RSBN1L: variants seen among roughly 807,000 people sequenced by gnomAD.
The protein encoded by RSBN1L is lysine-specific demethylase RSBN1L.
A neutral mutation model predicts 67.7 loss-of-function variants in RSBN1L; 30 were observed. The observed-to-expected ratio is 0.44, with a 90% CI of 0.33 to 0.60. The LOEUF (loss-of-function observed/expected upper bound fraction) is 0.60. Among genes scored for constraint, RSBN1L ranks in the 20% least tolerant of loss-of-function variants. The pLI is 0.02. For missense variants in RSBN1L, 992 were observed against 1,031.7 expected (o/e 0.96, Z 0.53); for synonymous variants, 433 against 387.0 (o/e 1.12, Z -1.39).
chr7:77,701,252 T>TA (rs1242285943), intron 1 of RSBN1L, among the ~76,000 whole-genome samples: 1 of 152,124 alleles, frequency 6.6e-6, no homozygotes, highest in East Asian at 1.9e-4. Flanking sequence ...GTTTCCTCTT[T>TA]AGGCCTGCTG....
intron 3 of RSBN1L, among the ~76,000 whole-genome samples, chr7:77,764,503 G>C (rs1791737070): frequency 1.3e-5 from 2 of 152,142 alleles, no homozygotes; most frequent in African/African-American, 2.4e-5. Context: ...TCAGCAATCT[G>C]CTGTAAAACA....
intron 4 of RSBN1L, among the ~76,000 whole-genome samples, chr7:77,766,829 TC>T (rs1385755363): frequency 6.6e-6 from 1 of 152,160 alleles, no homozygotes; most frequent in Non-Finnish European, 1.5e-5. Context: ...CTTGTTCCAT[TC>T]CTTTTTCTCT....
In RSBN1L at chr7:77,749,464, A is replaced by G. The variant is rs1791524927; in HGVS notation, c.744A>G (p.Gln248=). 2.5e-6 allele frequency: 4 copies of G among 1,579,140 alleles called. No individual in the cohort carries two copies. The highest frequency in any genetic ancestry group is 2.2e-5 in the East Asian group (1 of 44,662). Residue 248 remains glutamine, a synonymous_variant, in exon 3 of 8, where the codon CAA becomes CAG. Transcript: ENST00000334955. ...CAAAAACAAATATAGAAGACTTACAAATTAAAAAGGTAAAGAAGAAAAAGA... is the reference window on the plus strand; with the variant it reads ...CAAAAACAAATATAGAAGACTTACAGATTAAAAAGGTAAAGAAGAAAAAGA... ...EKPKTNIEDL[Q]IKKVKKKKKK... is the part of the protein sequence containing the mutation.
At chr7:77,734,835 A>G (rs950462575) in intron 1 of RSBN1L, among the ~76,000 whole-genome samples, 1 of 152,192 alleles carries the variant, frequency 6.6e-6, no homozygotes, top group African/African-American at 2.4e-5. Flanking sequence ...CAGGATTTCA[A>G]GGACTTTAAC....
Position 77,768,742 on chromosome 7 carries a change from C to T in RSBN1L, c.1564C>T (p.Arg522Cys), listed in dbSNP as rs1174860694. ...DSDDGPIMWV[R>C]PGEQMIPVAD... ...TGATGATGGTCCCATCATGTGGGTTCGTCCAGGAGAACAAATGATCCCTGT... is the reference window on the plus strand; with the variant it reads ...TGATGATGGTCCCATCATGTGGGTTTGTCCAGGAGAACAAATGATCCCTGT... The change falls in exon 5 of 8, where the codon CGT (arginine) becomes TGT (cysteine). Residue 522 changes from arginine (R) to cysteine (C), a missense_variant. By Grantham distance (180) the Arg-to-Cys change is radical. This residue lies in a region of RSBN1L where 67 missense variants were observed against 130.5 expected (regional missense o/e 0.51). Coordinates refer to ENST00000334955, the MANE Select transcript of RSBN1L (RefSeq NM_198467.3). 3.7e-6 allele frequency: 6 copies of T among 1,613,762 alleles called. No individual in the cohort carries two copies. The highest frequency in any genetic ancestry group is 4.5e-5 in the East Asian group (2 of 44,870).
intron 3 of RSBN1L, among the ~76,000 whole-genome samples, chr7:77,764,889 C>T (rs1791742207): frequency 6.6e-6 from 1 of 152,078 alleles, no homozygotes; most frequent in East Asian, 1.9e-4. Context: ...CCTTGGCCTC[C>T]CAAAGTGCTG....
chr7:77,739,432 G>C (rs1016260732), intron 2 of RSBN1L, among the ~76,000 whole-genome samples: 2 of 151,984 alleles, frequency 1.3e-5, no homozygotes, highest in African/African-American at 4.8e-5. Context: ...TGTCAGGTAG[G>C]CTGGGCGCAG....
At chr7:77,767,678 G>A (rs1233834907) in intron 4 of RSBN1L, among the ~76,000 whole-genome samples, 7 of 147,534 alleles carry the variant, frequency 4.7e-5, no homozygotes, top group South Asian at 2.2e-4. Context: ...CCCGGCCACC[G>A]TCTTCTCTTT....
At chr7:77,744,546 G>A (rs1386296112) in intron 2 of RSBN1L, among the ~76,000 whole-genome samples, 1 of 151,268 alleles carries the variant, frequency 6.6e-6, no homozygotes, top group East Asian at 1.9e-4. Context: ...GTGCAATTTC[G>A]GCTGGGATTA....
At chr7:77,746,959 G>T (rs531177463) in intron 2 of RSBN1L, among the ~76,000 whole-genome samples, 2 of 152,362 alleles carry the variant, frequency 1.3e-5, no homozygotes, top group African/African-American at 4.8e-5. Flanking sequence ...CCCTGTGGCT[G>T]TGTAGGGTTC....
chr7:77,741,890 GA>G (rs1179648714), intron 2 of RSBN1L, among the ~76,000 whole-genome samples: 1 of 152,010 alleles, frequency 6.6e-6, no homozygotes, highest in Non-Finnish European at 1.5e-5. Context: ...TCTATCTGGT[GA>G]ATGCTAGTAC....
chr7:77,734,457 T>C (rs1166406361), intron 1 of RSBN1L, among the ~76,000 whole-genome samples: 1 of 152,134 alleles, frequency 6.6e-6, no homozygotes, highest in Admixed American at 6.6e-5. Flanking sequence ...GGAAATATTA[T>C]ATAATGTGTC....
chr7:77,771,511 C>CT (rs10630112), intron 5 of RSBN1L, among the ~76,000 whole-genome samples: 20,307 of 135,976 alleles, frequency 0.15, 2,199 homozygotes, highest in African/African-American at 0.27. Flanking sequence ...CTCAGCGACT[C>CT]TTTTTTTTTT....
intron 1 of RSBN1L, among the ~76,000 whole-genome samples, chr7:77,719,540 G>A (rs776952705): frequency 2.0e-5 from 3 of 152,156 alleles, no homozygotes; most frequent in Non-Finnish European, 2.9e-5. Flanking sequence ...ATAGACACAC[G>A]ATTCAGTGAT....
chr7:77,740,812 T>G (rs1791398439), intron 2 of RSBN1L, among the ~76,000 whole-genome samples: 1 of 151,996 alleles, frequency 6.6e-6, no homozygotes, highest in African/African-American at 2.4e-5. Context: ...TCTCTCTGGC[T>G]CTAAGTATAC....
chr7:77,765,424 TTTTAA>T (rs1424216748), intron 3 of RSBN1L, 66 bp from the exon 4 acceptor site: 5 of 1,230,326 alleles, frequency 4.1e-6, no homozygotes, highest in Middle Eastern at 2.0e-4. Context: ...TATGTGTAAC[TTTTAA>T]TTAAATCCAT....
chr7:77,765,323 C>A (rs1416226840), intron 3 of RSBN1L, among the ~76,000 whole-genome samples, 172 bp from the exon 4 acceptor site: 1 of 152,160 alleles, frequency 6.6e-6, no homozygotes, highest in Non-Finnish European at 1.5e-5. Flanking sequence ...TTATCTGTTA[C>A]TGTTAGTAAA....
intron 1 of RSBN1L, among the ~76,000 whole-genome samples, chr7:77,734,966 A>C (rs1247774656): frequency 6.6e-6 from 1 of 152,084 alleles, no homozygotes; most frequent in Non-Finnish European, 1.5e-5. Context: ...CTGTATCCCT[A>C]ATCTTTTTCT....
chr7:77,706,756 C>A (rs1790898457), intron 1 of RSBN1L, among the ~76,000 whole-genome samples: 1 of 152,050 alleles, frequency 6.6e-6, no homozygotes, highest in South Asian at 2.1e-4. Flanking sequence ...TTATTGAATT[C>A]TTAATTCACC....
Sources: gnomAD v4.1 joint callset for allele counts (sites outside exome capture counted in the v4.1 genomes callset) on GRCh38, gnomAD v4.1.1 for gene constraint, gnomAD v4.1.1 regional missense constraint, MANE v1.5 for transcripts, NCBI Gene and HGNC (gene_info 2026-07-23, HGNC 2026-07-21) for gene names.